WHRN: variants seen among roughly 807,000 people sequenced by gnomAD.
WHRN encodes whirlin, also known as CASK-interacting protein CIP98.
A neutral mutation model predicts 68.3 loss-of-function variants in WHRN; 41 were observed. The observed-to-expected ratio is 0.60, with a 90% CI of 0.47 to 0.78. The LOEUF (loss-of-function observed/expected upper bound fraction) is 0.78. WHRN is among the 30% of genes least tolerant of loss of function. WHRN has a pLI of 0.00. For synonymous variants in WHRN, 560 were observed against 561.3 expected (o/e 1.00, Z 0.03); for missense variants, 1,243 against 1,244.7 (o/e 1.00, Z 0.02).
chr9:114,480,147 T>C (rs530542465), intron 1 of WHRN, among the ~76,000 whole-genome samples: 2 of 152,248 alleles, frequency 1.3e-5, no homozygotes, highest in African/African-American at 4.8e-5. Flanking sequence ...ATCTTTATTG[T>C]ACATTTCCCA....
chr9:114,458,864 T>C (rs1232003319), intron 3 of WHRN, among the ~76,000 whole-genome samples: 2 of 152,208 alleles, frequency 1.3e-5, no homozygotes, highest in Non-Finnish European at 2.9e-5. Context: ...GAGTGATTAT[T>C]CTAGGCTGGG....
At chr9:114,435,264 G>A (rs1209250350) in intron 3 of WHRN, among the ~76,000 whole-genome samples, 1 of 152,208 alleles carries the variant, frequency 6.6e-6, no homozygotes, top group Non-Finnish European at 1.5e-5. Context: ...ATGCCTGACG[G>A]AATCCATGAA....
intron 1 of WHRN, among the ~76,000 whole-genome samples, chr9:114,489,948 T>C (rs534580083): frequency 2.0e-5 from 3 of 152,344 alleles, no homozygotes; most frequent in Admixed American, 1.3e-4. Context: ...GTCCAAAAAT[T>C]GTTATTCTTA....
At chr9:114,426,927 T>C (rs1299281108) in intron 3 of WHRN, among the ~76,000 whole-genome samples, 1 of 152,218 alleles carries the variant, frequency 6.6e-6, no homozygotes, top group African/African-American at 2.4e-5. Flanking sequence ...AAGCAGTACA[T>C]ATGGCTTAGA....
At chr9:114,428,995 A>G (rs1837159707) in intron 3 of WHRN, among the ~76,000 whole-genome samples, 1 of 151,418 alleles carries the variant, frequency 6.6e-6, no homozygotes, top group Non-Finnish European at 1.5e-5. Flanking sequence ...TAGTGGCGCA[A>G]TCTCGGCTCA....
At chr9:114,491,910 C>A (rs1427330948) in intron 1 of WHRN, among the ~76,000 whole-genome samples, 1 of 151,936 alleles carries the variant, frequency 6.6e-6, no homozygotes, top group Admixed American at 6.6e-5. Context: ...CATCAGGTGG[C>A]CTCTCTCCTC....
chr9:114,482,721 G>A (rs962450041), intron 1 of WHRN, among the ~76,000 whole-genome samples: 12 of 152,010 alleles, frequency 7.9e-5, no homozygotes, highest in Admixed American at 1.3e-4. Context: ...AGAACAATGC[G>A]CAGAGCATCA....
At chr9:114,478,458 C>T (rs753262063) in intron 2 of WHRN, 95 bp downstream of exon 2, 10 of 1,353,606 alleles carry the variant, frequency 7.4e-6, no homozygotes, top group Non-Finnish European at 1.1e-5. Flanking sequence ...ACAGAACCAG[C>T]CTCTTCTTGC....
At chr9:114,435,271 T>C (rs978328925) in intron 3 of WHRN, among the ~76,000 whole-genome samples, 1 of 152,180 alleles carries the variant, frequency 6.6e-6, no homozygotes. Flanking sequence ...ACGGAATCCA[T>C]GAATGAATGA....
chr9:114,499,513 A>G (rs1843738126), intron 1 of WHRN, among the ~76,000 whole-genome samples: 1 of 152,236 alleles, frequency 6.6e-6, no homozygotes. Flanking sequence ...GGGTAAACCA[A>G]AGGCTTCCCT....
At position 114,414,115 on chromosome 9, in the gene WHRN, G is replaced by A. The variant is rs776505479; in HGVS notation, c.1627-6097C>T. Among the ~76,000 whole-genome samples the A allele has an allele frequency of 7.9e-5, 12 of 152,256 alleles. No homozygotes were observed. In the East Asian group the frequency reaches 1.5e-3, roughly 20 times the overall value. Reference sequence around the variant, plus strand: ...CATTAACCTCTAACTGAAAGGCCACGTTTCCTTTCATTGCTAACAGAAGCA... The same window carrying A: ...CATTAACCTCTAACTGAAAGGCCACATTTCCTTTCATTGCTAACAGAAGCA... On this transcript the variant is annotated intron_variant, in intron 7 of 11. Transcript: ENST00000362057.
intron 1 of WHRN, among the ~76,000 whole-genome samples, chr9:114,489,934 A>C (rs943743356): frequency 6.6e-6 from 1 of 152,226 alleles, no homozygotes; most frequent in Non-Finnish European, 1.5e-5. Flanking sequence ...TCTCTTAAAC[A>C]AAAGTCCAAA....
chr9:114,456,948 G>T (rs1014115135), intron 3 of WHRN, among the ~76,000 whole-genome samples: 2 of 152,110 alleles, frequency 1.3e-5, no homozygotes, highest in Admixed American at 6.5e-5. Context: ...TATAAGTAAG[G>T]AAAGGGGAAA....
intron 7 of WHRN, among the ~76,000 whole-genome samples, chr9:114,419,654 A>G (rs1836106624): frequency 1.3e-5 from 2 of 152,232 alleles, no homozygotes; most frequent in Non-Finnish European, 2.9e-5. Flanking sequence ...CATAGGAGAA[A>G]GTCAGGTCAT....
At chr9:114,429,799 G>A (rs141477000) in intron 3 of WHRN, among the ~76,000 whole-genome samples, 36 of 152,308 alleles carry the variant, frequency 2.4e-4, no homozygotes, top group African/African-American at 8.7e-4. Context: ...GATGCTAAGA[G>A]GCAGAGCTGT....
intron 7 of WHRN, among the ~76,000 whole-genome samples, chr9:114,412,322 G>A (rs1249363067): frequency 9.2e-5 from 14 of 152,190 alleles, no homozygotes; most frequent in South Asian, 6.2e-4. Context: ...GCTCATGCAG[G>A]AGCTGGGCCT....
At chr9:114,494,369 T>G (rs1843268595) in intron 1 of WHRN, among the ~76,000 whole-genome samples, 1 of 152,238 alleles carries the variant, frequency 6.6e-6, no homozygotes, top group Admixed American at 6.5e-5. Flanking sequence ...ACACATTGTC[T>G]GCATAATCAT....
rs557389103 is a variant in WHRN at position 114,403,407 on chromosome 9, G to T, written c.2419-68C>A. The T allele has an allele frequency of 4.2e-4, 671 of 1,604,640 alleles. 4 individuals are homozygous for T. The South Asian group carries it at 7.1e-3, about 17-fold the overall frequency. Reference sequence around the variant, plus strand: ...GCAGGCCTGGCCAGGGGGCTGGGCCGGGCCGTGACACCACCCTGGGTCAGC... The same window carrying T: ...GCAGGCCTGGCCAGGGGGCTGGGCCTGGCCGTGACACCACCCTGGGTCAGC... On this transcript the variant is annotated intron_variant, in intron 10 of 11. Transcript: ENST00000362057.
rs1242300518 is a variant in WHRN at position 114,450,640 on chromosome 9, G to GCAAGACATCTCTT, written c.963+15626_963+15627insAAGAGATGTCTTG. 3.3e-5 allele frequency among the ~76,000 whole-genome samples: 5 copies of GCAAGACATCTCTT among 152,070 alleles called. 1 individual carries two copies. Among genetic ancestry groups the GCAAGACATCTCTT allele is most frequent in the African/African-American group, 1.2e-4 (5 of 41,364 alleles). On this transcript the variant is annotated intron_variant, in intron 3 of 11. Transcript: ENST00000362057. ...ATCAAGTGCTTGCTAGAGATTCTCT[G>GCAAGACATCTCTT]GCTACATCTTCACCATGTCCCAAGA...
Sources: gnomAD v4.1 joint callset for allele counts (sites outside exome capture counted in the v4.1 genomes callset) on GRCh38, gnomAD v4.1.1 for gene constraint, MANE v1.5 for transcripts, NCBI Gene and HGNC (gene_info 2026-07-23, HGNC 2026-07-21) for gene names.